Variants in NTF3 observed in about 807,000 individuals in gnomAD.
NTF3 encodes the protein neurotrophin 3, also known as neurotrophin-3.
Under a neutral mutation model 26.3 loss-of-function variants are expected in NTF3, and 8 were observed. The ratio of observed to expected loss-of-function variants is 0.30; its 90% CI spans 0.18 to 0.55. NTF3 has a LOEUF of 0.55. NTF3 is among the 20% of genes least tolerant of loss of function. The pLI is 0.93. For synonymous variants in NTF3, 154 were observed against 145.5 expected (o/e 1.06, Z -0.42); for missense variants, 276 against 352.9 (o/e 0.78, Z 1.75).
intron 1 of NTF3, among the ~76,000 whole-genome samples, chr12:5,464,841 T>C (rs1940569563): frequency 6.6e-6 from 1 of 152,042 alleles, no homozygotes; most frequent in African/African-American, 2.4e-5. Flanking sequence ...CATCCCAGGG[T>C]TGGGGGGTAG....
intron 1 of NTF3, among the ~76,000 whole-genome samples, chr12:5,464,044 T>A (rs765865712): frequency 1.3e-5 from 2 of 152,202 alleles, no homozygotes; most frequent in Admixed American, 6.5e-5. Context: ...CTGTGCTTTG[T>A]CTGTTTTTCT....
At chr12:5,454,485 C>T (rs1940412743) in intron 1 of NTF3, among the ~76,000 whole-genome samples, 1 of 151,962 alleles carries the variant, frequency 6.6e-6, no homozygotes. Context: ...ACAATTCAAC[C>T]CATAATGGGA....
chr12:5,466,330 G>C (rs1053069674), intron 1 of NTF3, among the ~76,000 whole-genome samples: 1 of 152,178 alleles, frequency 6.6e-6, no homozygotes. Flanking sequence ...TTCTGCTTAC[G>C]TGCTGTTTCC....
At chr12:5,431,960 GC>G (rs1472906408), upstream of NTF3, among the ~76,000 whole-genome samples, 3 of 144,510 alleles carry the variant, frequency 2.1e-5, no homozygotes, top group African/African-American at 5.0e-5. Context: ...CGAAGTGAGG[GC>G]GGGGGGGGGG....
intron 1 of NTF3, among the ~76,000 whole-genome samples, chr12:5,451,632 G>A (rs1391671193): frequency 6.6e-6 from 1 of 152,176 alleles, no homozygotes; most frequent in Non-Finnish European, 1.5e-5. Flanking sequence ...GTGTGCATGT[G>A]TTTGTGTGTC....
intron 1 of NTF3, among the ~76,000 whole-genome samples, chr12:5,436,591 T>C (rs943401336): frequency 6.6e-5 from 10 of 152,236 alleles, no homozygotes; most frequent in Non-Finnish European, 1.3e-4. Flanking sequence ...TGTGTTTAGT[T>C]GTATACAGCC....
intron 1 of NTF3, among the ~76,000 whole-genome samples, chr12:5,470,799 A>G (rs1383489735): frequency 1.3e-5 from 2 of 152,258 alleles, no homozygotes; most frequent in African/African-American, 2.4e-5. Flanking sequence ...AGTCAAATGC[A>G]TGTGTGGAAC....
At chr12:5,472,534 C>T (rs1016588324) in intron 1 of NTF3, among the ~76,000 whole-genome samples, 1 of 152,178 alleles carries the variant, frequency 6.6e-6, no homozygotes, top group African/African-American at 2.4e-5. Flanking sequence ...TCACTTTCTC[C>T]CTCCAGTGGT....
At chr12:5,453,170 T>A (rs1207690042) in intron 1 of NTF3, among the ~76,000 whole-genome samples, 1 of 152,264 alleles carries the variant, frequency 6.6e-6, no homozygotes, top group African/African-American at 2.4e-5. Context: ...ACATGGTGTA[T>A]TAAATTAGTT....
At chr12:5,435,290 C>G (rs776722531) in intron 1 of NTF3, among the ~76,000 whole-genome samples, 10 of 152,212 alleles carry the variant, frequency 6.6e-5, no homozygotes, top group Non-Finnish European at 1.3e-4. Flanking sequence ...CTACTGGATG[C>G]TCAGCCCATT....
intron 1 of NTF3, among the ~76,000 whole-genome samples, chr12:5,442,026 A>T (rs1017599877): frequency 6.6e-5 from 10 of 152,198 alleles, no homozygotes; most frequent in Admixed American, 6.5e-4. Context: ...ACGTGTACAG[A>T]TTATTCATTA....
chr12:5,432,188 TCTCTCCTTTCTTTCTTC>T lies in NTF3; in HGVS notation c.-127_-111del. On this transcript the variant is annotated 5_prime_UTR_variant, in exon 1 of 2. Transcript: ENST00000423158. Reference sequence around the variant, plus strand: ...GCAGCCCGGCGCAACTACTTTCTTCTCTCTCCTTTCTTTCTTCCTCTCCTTTTTCCCCTGCTGGGTAG... The same window carrying T: ...GCAGCCCGGCGCAACTACTTTCTTCTCTCTCCTTTTTCCCCTGCTGGGTAG... The T allele has an allele frequency of 9.7e-7, 1 of 1,035,128 alleles. No individual in the cohort carries two copies. The highest frequency in any genetic ancestry group is 1.3e-5 in the South Asian group (1 of 76,830). The allele number at this position is 1,035,128 out of a possible 1,614,324, so 64.1% of individuals were successfully genotyped here.
chr12:5,460,223 G>T (rs1400324226), intron 1 of NTF3, among the ~76,000 whole-genome samples: 1 of 152,126 alleles, frequency 6.6e-6, no homozygotes, highest in Non-Finnish European at 1.5e-5. Context: ...TTACATTAAG[G>T]TGTATTCTTT....
At chr12:5,453,867 C>T (rs1156255629) in intron 1 of NTF3, among the ~76,000 whole-genome samples, 2 of 152,154 alleles carry the variant, frequency 1.3e-5, no homozygotes, top group South Asian at 2.1e-4. Context: ...TTTGAGTTTC[C>T]CAGACACATT....
Position 5,494,689 on chromosome 12 carries a change from G to A in NTF3, c.514G>A (p.Val172Met), listed in dbSNP as rs536368448. The A allele has an allele frequency of 6.2e-7, 1 of 1,614,192 alleles. No individual in the cohort carries two copies. The highest frequency in any genetic ancestry group is 1.1e-5 in the South Asian group (1 of 91,084). The change falls in exon 2 of 2, where the codon GTG becomes ATG. Residue 172 changes from valine to methionine, a missense_variant. Physicochemically the swap from Val to Met is conservative, Grantham distance 21. Coordinates refer to ENST00000423158, the MANE Select transcript of NTF3 (RefSeq NM_001102654.2). The surrounding 1 kb of genome is among the most constrained non-coding windows in gnomAD (Gnocchi z 8.3). ...YSVCDSESLW[V>M]TDKSSAIDIR... ...GGTATGTGACAGTGAGAGTCTGTGG[G>A]TGACCGACAAGTCATCGGCCATCGA...
intron 1 of NTF3, among the ~76,000 whole-genome samples, chr12:5,463,642 A>T (rs1230203472): frequency 6.6e-6 from 1 of 152,182 alleles, no homozygotes; most frequent in Non-Finnish European, 1.5e-5. Flanking sequence ...TATGTAAAGG[A>T]TGTGGCCTAA....
rs1940131804 is a variant in NTF3, at chr12:5,433,775, G to C, written c.18+1433G>C. 6.6e-6 allele frequency among the ~76,000 whole-genome samples: 1 copy of C among 151,828 alleles called. No individual in the cohort carries two copies. The highest frequency in any genetic ancestry group is 2.0e-4 in the East Asian group (1 of 5,086). ...ATGGAGGTTGCTCCCGGGAGCGCCGGGCTCAGAGCTAGAGAGCTCGGGAGA... is the reference window on the plus strand; with the variant it reads ...ATGGAGGTTGCTCCCGGGAGCGCCGCGCTCAGAGCTAGAGAGCTCGGGAGA... On this transcript the variant is annotated intron_variant, in intron 1 of 1. Coordinates refer to ENST00000423158, the MANE Select transcript of NTF3 (RefSeq NM_001102654.2). This position sits in a 1 kb window ranked among gnomAD's most constrained non-coding sequence, Gnocchi z 4.6.
intron 1 of NTF3, among the ~76,000 whole-genome samples, chr12:5,461,309 G>C: frequency 6.6e-6 from 1 of 152,146 alleles, no homozygotes; most frequent in Admixed American, 6.5e-5. Flanking sequence ...CTGGTCTCTA[G>C]GTTCTCAGCT....
upstream of NTF3, among the ~76,000 whole-genome samples, chr12:5,431,266 A>G (rs1006039346): frequency 6.6e-6 from 1 of 152,028 alleles, no homozygotes; most frequent in Non-Finnish European, 1.5e-5. Flanking sequence ...TGGGCGAGTG[A>G]TTAGCTGCAG....
Sources: gnomAD v4.1 joint callset for allele counts (sites outside exome capture counted in the v4.1 genomes callset) on GRCh38, gnomAD v4.1.1 for gene constraint, Gnocchi (gnomAD v3.1) non-coding constraint, MANE v1.5 for transcripts, NCBI Gene and HGNC (gene_info 2026-07-23, HGNC 2026-07-21) for gene names.